JAZF1: variants seen among roughly 807,000 people sequenced by gnomAD.
The protein encoded by JAZF1 is juxtaposed with another zinc finger protein 1.
In JAZF1, 8 loss-of-function variants were observed where a neutral mutation model predicts 26.4. The ratio of observed to expected loss-of-function variants is 0.30; its 90% CI spans 0.18 to 0.55. The LOEUF (loss-of-function observed/expected upper bound fraction) is 0.55. JAZF1 is among the 20% of genes least tolerant of loss of function. The pLI, the probability that JAZF1 is intolerant of heterozygous loss-of-function variation, is 0.94. For missense variants in JAZF1, 199 were observed against 322.0 expected (o/e 0.62, Z 2.92); for synonymous variants, 126 against 122.3 (o/e 1.03, Z -0.20).
At chr7:28,120,316 T>C (rs1784819185) in intron 1 of JAZF1, among the ~76,000 whole-genome samples, 2 of 151,874 alleles carry the variant, frequency 1.3e-5, no homozygotes, top group Non-Finnish European at 2.9e-5. Flanking sequence ...CAAAGGAAAC[T>C]TCTGACCCTT....
chr7:27,930,098 C>T (rs1257548770), intron 2 of JAZF1, among the ~76,000 whole-genome samples: 1 of 152,056 alleles, frequency 6.6e-6, no homozygotes, highest in Non-Finnish European at 1.5e-5. Flanking sequence ...CGGGTTCACA[C>T]CATTCTCCTG....
At chr7:28,172,615 T>G (rs1783487655) in intron 1 of JAZF1, among the ~76,000 whole-genome samples, 1 of 152,216 alleles carries the variant, frequency 6.6e-6, no homozygotes, top group African/African-American at 2.4e-5. Context: ...AACTGAATCC[T>G]CCACGTAGAA....
intron 3 of JAZF1, among the ~76,000 whole-genome samples, chr7:27,851,865 G>A (rs140655732): frequency 1.4e-3 from 218 of 152,174 alleles, no homozygotes; most frequent in Non-Finnish European, 2.6e-3. Context: ...AAAGACAGAG[G>A]AACTGACCTC....
intron 1 of JAZF1, among the ~76,000 whole-genome samples, chr7:28,133,137 A>G (rs1338314554): frequency 6.6e-6 from 1 of 152,224 alleles, no homozygotes. Flanking sequence ...AAAACAGAAG[A>G]TTCATTCAGC....
intron 1 of JAZF1, among the ~76,000 whole-genome samples, chr7:28,146,666 T>G (rs1783033382): frequency 6.6e-6 from 1 of 152,146 alleles, no homozygotes; most frequent in South Asian, 2.1e-4. Flanking sequence ...CTATTCCAAA[T>G]GGTCCCAGAG....
chr7:28,116,104 T>G (rs1367749969), intron 1 of JAZF1, among the ~76,000 whole-genome samples: 1 of 152,246 alleles, frequency 6.6e-6, no homozygotes, highest in Non-Finnish European at 1.5e-5. Context: ...AATGGTCTAA[T>G]GAGACACCTA....
At chr7:28,036,910 C>T (rs1783303874) in intron 1 of JAZF1, among the ~76,000 whole-genome samples, 2 of 152,156 alleles carry the variant, frequency 1.3e-5, no homozygotes, top group African/African-American at 2.4e-5. Context: ...AGCCCATTGG[C>T]ATCTACAGAA....
At chr7:28,054,753 C>T (rs1377944441) in intron 1 of JAZF1, among the ~76,000 whole-genome samples, 1 of 152,064 alleles carries the variant, frequency 6.6e-6, no homozygotes, top group Non-Finnish European at 1.5e-5. Flanking sequence ...CGCTGGTAGA[C>T]ACAGTCTGCC....
intron 1 of JAZF1, among the ~76,000 whole-genome samples, chr7:28,147,740 GGT>G (rs147809697): frequency 0.11 from 15,873 of 150,934 alleles, 1,361 homozygotes; most frequent in East Asian, 0.47. Flanking sequence ...AAATTAGCCA[GGT>G]GTGTTGACAC....
intron 1 of JAZF1, among the ~76,000 whole-genome samples, chr7:28,104,932 G>A (rs1784527946): frequency 6.6e-6 from 1 of 152,186 alleles, no homozygotes; most frequent in South Asian, 2.1e-4. Context: ...CTCTGCCCTT[G>A]ACTTTTGCTT....
chr7:27,913,324 T>C (rs1457072966), intron 2 of JAZF1: 2 of 429,994 alleles, frequency 4.7e-6, no homozygotes, highest in African/African-American at 4.3e-5. Context: ...GATTGAGATT[T>C]TCTAACCATA....
At chr7:28,120,498 G>GTTAT (rs1345204155) in intron 1 of JAZF1, among the ~76,000 whole-genome samples, 2 of 41,096 alleles carry the variant, frequency 4.9e-5, no homozygotes, top group Non-Finnish European at 1.1e-4. Context: ...GCCACACACA[G>GTTAT]TTCTTTTTTT....
chr7:27,970,156 T>G (rs1019297122), intron 2 of JAZF1, among the ~76,000 whole-genome samples: 4 of 152,204 alleles, frequency 2.6e-5, no homozygotes, highest in Admixed American at 6.5e-5. Context: ...TACATTTTGG[T>G]TTTCATTACT....
intron 1 of JAZF1, among the ~76,000 whole-genome samples, chr7:28,015,611 T>A (rs1373316930): frequency 6.6e-6 from 1 of 152,224 alleles, no homozygotes; most frequent in Non-Finnish European, 1.5e-5. Flanking sequence ...AAAATATTTA[T>A]GAAATATTTT....
At position 27,895,424 on chromosome 7, in the gene JAZF1, A is replaced by G. The variant is rs373487315; in HGVS notation, c.189-8T>C. 4 of 1,583,330 alleles carry G rather than the reference A, an allele frequency of 2.5e-6. No individual in the cohort carries two copies. The highest frequency in any genetic ancestry group is 3.4e-6 in the Non-Finnish European group (4 of 1,164,190). ...GCAGCATCTGTCATGAATCTGAAAC[A>G]ATAATGGAAGGTAAGGAACCTGGGC... On this transcript the variant is annotated splice_region_variant and splice_polypyrimidine_tract_variant and intron_variant, in intron 2 of 4. Transcript: ENST00000283928.
chr7:28,048,059 TTCA>T (rs1783527296), intron 1 of JAZF1, among the ~76,000 whole-genome samples: 1 of 152,168 alleles, frequency 6.6e-6, no homozygotes, highest in South Asian at 2.1e-4. Flanking sequence ...TTGGCTACTT[TTCA>T]GAAAGAATTA....
At chr7:28,020,319 T>C (rs1307377652) in intron 1 of JAZF1, among the ~76,000 whole-genome samples, 2 of 151,950 alleles carry the variant, frequency 1.3e-5, no homozygotes, top group Non-Finnish European at 2.9e-5. Flanking sequence ...TATTTAAGCT[T>C]AGAGAGAAAA....
chr7:28,117,162 T>C (rs1440352429), intron 1 of JAZF1, among the ~76,000 whole-genome samples: 2 of 152,236 alleles, frequency 1.3e-5, no homozygotes, highest in Non-Finnish European at 2.9e-5. Context: ...AAATAGTTTC[T>C]TCTCTGATTG....
At chr7:28,121,466 C>T (rs1022730589) in intron 1 of JAZF1, among the ~76,000 whole-genome samples, 7 of 152,176 alleles carry the variant, frequency 4.6e-5, no homozygotes, top group Non-Finnish European at 1.0e-4. Context: ...CATGGTATAT[C>T]CTGCTATAAG....
Sources: allele counts gnomAD v4.1 joint callset (sites outside exome capture counted in the v4.1 genomes callset), GRCh38; gene constraint gnomAD v4.1.1; transcripts MANE v1.5; gene names NCBI Gene and HGNC (gene_info 2026-07-23, HGNC 2026-07-21).